The following RANBP3 variants were observed in gnomAD, a reference collection of about 807,000 sequenced individuals.
RANBP3 encodes the protein RAN binding protein 3.
Under a neutral mutation model 77.3 loss-of-function variants are expected in RANBP3, and 14 were observed. The observed-to-expected ratio is 0.18, with a 90% CI of 0.12 to 0.28. RANBP3 has a LOEUF of 0.28. Among genes scored for constraint, RANBP3 ranks in the 10% least tolerant of loss-of-function variants. RANBP3 has a pLI of 1.00. For missense variants in RANBP3, 586 were observed against 752.3 expected (o/e 0.78, Z 2.59); for synonymous variants, 315 against 312.4 (o/e 1.01, Z -0.09).
chr19:5,978,053 T>C lies in RANBP3; in HGVS notation c.22+8A>G, dbSNP rs754433025. 52 of 1,609,726 alleles carry C rather than the reference T, an allele frequency of 3.2e-5. No homozygotes were observed. The highest frequency in any genetic ancestry group is 3.3e-4 in the Middle Eastern group (2 of 6,076). On this transcript the variant is annotated splice_region_variant and intron_variant, in intron 1 of 16. Transcript: ENST00000340578. ...CCGCCAGCCGGTCCCCAACGGCGCC[T>C]CCCCTACCTTCGTTCGCCAGGTCCG...
chr19:5,966,927 C>T (rs1214460691), intron 1 of RANBP3, among the ~76,000 whole-genome samples: 2 of 152,240 alleles, frequency 1.3e-5, no homozygotes, highest in Admixed American at 6.5e-5. Context: ...ATCTCGCCAA[C>T]ACAAATAACA....
chr19:5,977,670 C>CA (rs1324009349), intron 1 of RANBP3, among the ~76,000 whole-genome samples: 1 of 145,922 alleles, frequency 6.9e-6, no homozygotes, highest in Non-Finnish European at 1.5e-5. Flanking sequence ...GACGAGGGGG[C>CA]GGGGAGGGAG....
chr19:5,922,945 A>G (rs1229802066), intron 13 of RANBP3, among the ~76,000 whole-genome samples: 2 of 152,204 alleles, frequency 1.3e-5, no homozygotes, highest in East Asian at 3.8e-4. Flanking sequence ...GTCTCAAAAA[A>G]AATTAAAACA....
intron 1 of RANBP3, chr19:5,976,469 G>C (rs2058591956): frequency 6.6e-6 from 1 of 152,236 alleles, no homozygotes; most frequent in Non-Finnish European, 1.5e-5. Context: ...GTAGCAGCCG[G>C]GTGCGGTGGC....
At chr19:5,943,025 CACAA>C (rs772266759) in intron 3 of RANBP3, among the ~76,000 whole-genome samples, 26 of 152,158 alleles carry the variant, frequency 1.7e-4, no homozygotes, top group Non-Finnish European at 2.6e-4. Flanking sequence ...CATCTCAAAA[CACAA>C]ACAAACTCAA....
chr19:5,974,383 C>A (rs2058564567), intron 1 of RANBP3: 1 of 152,146 alleles, frequency 6.6e-6, no homozygotes, highest in Middle Eastern at 3.1e-3. Flanking sequence ...TTGCCAGGGA[C>A]AAAACTCTGC....
chr19:5,923,546 C>T (rs573330986), intron 12 of RANBP3, among the ~76,000 whole-genome samples: 23 of 152,226 alleles, frequency 1.5e-4, no homozygotes, highest in East Asian at 1.2e-3. Context: ...GCCGAGCAGT[C>T]GACGGGGGGA....
At chr19:5,966,539 G>A (rs879328456) in intron 1 of RANBP3, among the ~76,000 whole-genome samples, 28 of 152,184 alleles carry the variant, frequency 1.8e-4, no homozygotes, top group African/African-American at 2.9e-4. Flanking sequence ...CTCCTCTTCC[G>A]TATAAACTTT....
At chr19:5,953,959 CCA>C (rs2058304937) in intron 2 of RANBP3, among the ~76,000 whole-genome samples, 1 of 152,194 alleles carries the variant, frequency 6.6e-6, no homozygotes, top group Non-Finnish European at 1.5e-5. Context: ...CCACCGGCAC[CCA>C]CACGCAGGCC....
At chr19:5,928,879 GTGT>G (rs2057949812) in intron 8 of RANBP3, among the ~76,000 whole-genome samples, 1 of 152,224 alleles carries the variant, frequency 6.6e-6, no homozygotes, top group African/African-American at 2.4e-5. Context: ...GATGAAAAAG[GTGT>G]TGTAGAATTT....
At chr19:5,963,542 C>T (rs555449173) in intron 1 of RANBP3, among the ~76,000 whole-genome samples, 1 of 152,186 alleles carries the variant, frequency 6.6e-6, no homozygotes, top group Non-Finnish European at 1.5e-5. Context: ...CAGAGTGAGA[C>T]CTTGTCTCAA....
At chr19:5,930,656 C>A (rs1315069854) in intron 8 of RANBP3, among the ~76,000 whole-genome samples, 3 of 152,198 alleles carry the variant, frequency 2.0e-5, no homozygotes, top group South Asian at 4.1e-4. Flanking sequence ...GCAGCCTCCC[C>A]TTCCCGGGCT....
chr19:5,927,342 G>T (rs1303774426), intron 9 of RANBP3, among the ~76,000 whole-genome samples: 1 of 152,140 alleles, frequency 6.6e-6, no homozygotes, highest in East Asian at 1.9e-4. Flanking sequence ...TCCCTTTCAG[G>T]AGAGAAGACA....
At chr19:5,966,977 G>T (rs575103073) in intron 1 of RANBP3, among the ~76,000 whole-genome samples, 1 of 152,324 alleles carries the variant, frequency 6.6e-6, no homozygotes, top group South Asian at 2.1e-4. Flanking sequence ...CTGGTGACAC[G>T]ATCACAACCC....
intron 1 of RANBP3, among the ~76,000 whole-genome samples, chr19:5,966,365 T>C (rs1270533070): frequency 2.0e-5 from 3 of 152,144 alleles, no homozygotes; most frequent in Non-Finnish European, 2.9e-5. Flanking sequence ...CTGCAATCCT[T>C]TAAGGTTGTC....
At chr19:5,962,785 C>A in intron 1 of RANBP3, 1 of 455,794 alleles carries the variant, frequency 2.2e-6, no homozygotes, top group Non-Finnish European at 4.4e-6. Flanking sequence ...CAAATCAGCA[C>A]GGCTATCGCA....
rs142002887 is a variant in RANBP3 at position 5,920,787 on chromosome 19, A to T, written c.1330+414T>A. 4.4e-3 allele frequency: 679 copies of T among 154,380 alleles called. 3 individuals carry two copies. Among genetic ancestry groups the T allele is most frequent in the African/African-American group, 0.016 (651 of 41,614 alleles). 9.6% of individuals were successfully genotyped at this position (154,380 alleles called of 1,614,324 possible). On this transcript the variant is annotated intron_variant, in intron 14 of 16. Transcript: ENST00000340578. Reference sequence around the variant, plus strand: ...GGTCTTGAACTCCTGACCTCAGGTGATCCGCCCACCTTGGCCTCCCAAAGT... The same window carrying T: ...GGTCTTGAACTCCTGACCTCAGGTGTTCCGCCCACCTTGGCCTCCCAAAGT...
chr19:5,926,444 G>C (rs2057911022), intron 9 of RANBP3, among the ~76,000 whole-genome samples: 1 of 152,148 alleles, frequency 6.6e-6, no homozygotes, highest in South Asian at 2.1e-4. Flanking sequence ...CCAGATATTT[G>C]GGAGGCTGAG....
intron 13 of RANBP3, 60 bp downstream of exon 13, chr19:5,923,134 C>T (rs1049347328): frequency 1.8e-5 from 25 of 1,356,978 alleles, no homozygotes; most frequent in Non-Finnish European, 2.3e-5. Flanking sequence ...CCAGCCCTTG[C>T]GGTTGGACCC....
Sources: gnomAD v4.1 joint callset for allele counts (sites outside exome capture counted in the v4.1 genomes callset) on GRCh38, gnomAD v4.1.1 for gene constraint, MANE v1.5 for transcripts, NCBI Gene and HGNC (gene_info 2026-07-23, HGNC 2026-07-21) for gene names.